The following LPP variants were observed in gnomAD, a reference collection of about 807,000 sequenced individuals.
LPP encodes the protein lipoma-preferred partner.
Under a neutral mutation model 60.4 loss-of-function variants are expected in LPP, and 38 were observed. The observed-to-expected ratio is 0.63, with a 90% CI of 0.49 to 0.83. The LOEUF (loss-of-function observed/expected upper bound fraction) is 0.83, where lower values mean the gene tolerates loss of function less well. LPP is among the 40% of genes least tolerant of loss of function. The pLI is 0.00. For synonymous variants in LPP, 328 were observed against 290.8 expected, an observed-to-expected ratio of 1.13 and a Z score of -1.30; for missense variants, 902 against 783.6, an observed-to-expected ratio of 1.15 and a Z score of -1.80.
chr3:188,575,363 C>T (rs769693638), intron 6 of LPP, among the ~76,000 whole-genome samples: 1 of 152,042 alleles, frequency 6.6e-6, no homozygotes, highest in South Asian at 2.1e-4. Flanking sequence ...ATTTATTTTA[C>T]GTTTAGTCTG....
intron 9 of LPP, among the ~76,000 whole-genome samples, chr3:188,829,223 C>G (rs561448159): frequency 2.0e-5 from 3 of 152,312 alleles, no homozygotes; most frequent in African/African-American, 7.2e-5. Flanking sequence ...ATTCCCTCCA[C>G]CGCCTCTCCT....
chr3:188,792,990 G>A (rs553018162), intron 9 of LPP, among the ~76,000 whole-genome samples: 5 of 152,202 alleles, frequency 3.3e-5, no homozygotes, highest in South Asian at 2.1e-4. Context: ...AGACAGGGCC[G>A]TGCACTGCGA....
In LPP at chr3:188,666,838, T is replaced by A. The variant is rs537611326; in HGVS notation, c.1114-41429T>A. Among the ~76,000 whole-genome samples, 6 of 152,360 alleles carry A rather than the reference T, an allele frequency of 3.9e-5. No individual in the cohort carries two copies. In the East Asian group the frequency reaches 1.2e-3, roughly 29 times the overall value. On this transcript the variant is annotated intron_variant, in intron 7 of 11. Transcript: ENST00000617246. Reference sequence around the variant, plus strand: ...GATTTTCAAAGGTAATAGTACCTAATACCATCTGAAATCCTAAAATTTCTG... The same window carrying A: ...GATTTTCAAAGGTAATAGTACCTAAAACCATCTGAAATCCTAAAATTTCTG...
At chr3:188,800,449 G>A (rs1252882581) in intron 9 of LPP, among the ~76,000 whole-genome samples, 1 of 151,816 alleles carries the variant, frequency 6.6e-6, no homozygotes, top group African/African-American at 2.4e-5. Flanking sequence ...GTTTCATCGT[G>A]TTAGCCAGGA....
chr3:188,582,290 A>G (rs192814644), intron 6 of LPP, among the ~76,000 whole-genome samples: 1 of 150,508 alleles, frequency 6.6e-6, no homozygotes, highest in East Asian at 2.0e-4. Context: ...CCTCCCGAGT[A>G]GCTGTGTCTA....
chr3:188,671,774 T>C (rs542677657), intron 7 of LPP, among the ~76,000 whole-genome samples: 1 of 152,278 alleles, frequency 6.6e-6, no homozygotes, highest in East Asian at 1.9e-4. Flanking sequence ...CAAATTACTA[T>C]ACTAGGCACC....
At position 188,406,245 on chromosome 3, in the gene LPP, C is replaced by A. The variant is rs1376980397; in HGVS notation, c.125C>A (p.Pro42His). ...PSISVSTQQP[P>H]KKFAPVVAPK... Reference sequence around the variant, plus strand: ...ATTTCAGTGTCTACACAACAGCCACCCAAAAAGTTTGCCCCGGTAGTTGCT... The same window carrying A: ...ATTTCAGTGTCTACACAACAGCCACACAAAAAGTTTGCCCCGGTAGTTGCT... Residue 42 changes from proline to histidine, a missense_variant, in exon 4 of 12, where the codon CCC (proline) becomes CAC (histidine). Transcript: ENST00000617246. 1 of 1,613,990 alleles carries A rather than the reference C, an allele frequency of 6.2e-7. No individual in the cohort carries two copies. Among genetic ancestry groups the A allele is most frequent in the Non-Finnish European group, 8.5e-7 (1 of 1,180,016 alleles).
At chr3:188,479,108 A>C (rs1804035760) in intron 4 of LPP, among the ~76,000 whole-genome samples, 1 of 152,174 alleles carries the variant, frequency 6.6e-6, no homozygotes, top group Non-Finnish European at 1.5e-5. Flanking sequence ...ATGCTTTGCT[A>C]ACCATGATTA....
At chr3:188,398,059 A>G (rs867202090) in intron 3 of LPP, among the ~76,000 whole-genome samples, 8 of 152,160 alleles carry the variant, frequency 5.3e-5, no homozygotes, top group Admixed American at 1.3e-4. Context: ...GGAGTGCACC[A>G]TTAGTGTTAA....
At chr3:188,227,647 C>G (rs891712418) in intron 2 of LPP, among the ~76,000 whole-genome samples, 1 of 152,124 alleles carries the variant, frequency 6.6e-6, no homozygotes, top group Admixed American at 6.5e-5. Context: ...GAACAGGACT[C>G]TAGCTCTGTT....
chr3:188,837,282 G>A (rs1325826982), intron 9 of LPP, among the ~76,000 whole-genome samples: 1 of 151,802 alleles, frequency 6.6e-6, no homozygotes, highest in Non-Finnish European at 1.5e-5. Flanking sequence ...GGGAGGCTGA[G>A]GCAGGAGAAT....
rs374563246 is a variant in LPP at position 188,803,045 on chromosome 3, C to CTTTTTTTTTT, written c.1410+42771_1410+42780dup. On this transcript the variant is annotated intron_variant, in intron 9 of 11. Coordinates refer to ENST00000617246, the MANE Select transcript of LPP (RefSeq NM_001375462.1). ...GATTAAAATACTTTTGTTGTATATG[C>CTTTTTTTTTT]TTTTTTTTTTTTTTTTTGAGACAGG... 6.9e-5 allele frequency among the ~76,000 whole-genome samples: 9 copies of CTTTTTTTTTT among 130,476 alleles called. 2 individuals carry two copies. The highest frequency in any genetic ancestry group is 1.1e-4 in the Non-Finnish European group (7 of 62,748). 85.6% of individuals were successfully genotyped at this position (130,476 alleles called of 152,430 possible).
intron 4 of LPP, among the ~76,000 whole-genome samples, chr3:188,439,302 CT>C (rs1156523249): frequency 6.6e-6 from 1 of 152,206 alleles, no homozygotes; most frequent in Non-Finnish European, 1.5e-5. Flanking sequence ...CTTCCTCAAT[CT>C]CACCAACCAG....
intron 9 of LPP, among the ~76,000 whole-genome samples, chr3:188,781,671 C>A (rs1349830376): frequency 6.6e-6 from 1 of 151,360 alleles, no homozygotes; most frequent in African/African-American, 2.4e-5. Context: ...ATCACGAGGT[C>A]AGGAGATCGA....
chr3:188,697,830 A>G (rs1474312127), intron 7 of LPP, among the ~76,000 whole-genome samples: 1 of 150,650 alleles, frequency 6.6e-6, no homozygotes, highest in African/African-American at 2.5e-5. Context: ...GCCCTTTTGC[A>G]TATATATTTT....
chr3:188,417,151 T>G (rs182006645), intron 4 of LPP, among the ~76,000 whole-genome samples: 154 of 152,160 alleles, frequency 1.0e-3, no homozygotes, highest in Middle Eastern at 6.8e-3. Flanking sequence ...AGTTTGCTCT[T>G]CCAGCACTCT....
intron 6 of LPP, among the ~76,000 whole-genome samples, chr3:188,537,511 T>A (rs1823953614): frequency 6.6e-6 from 1 of 152,196 alleles, no homozygotes; most frequent in African/African-American, 2.4e-5. Context: ...CCTTTTTATT[T>A]GTGTTTTTGG....
chr3:188,704,024 G>A (rs567392800), intron 7 of LPP, among the ~76,000 whole-genome samples: 6 of 152,170 alleles, frequency 3.9e-5, no homozygotes, highest in African/African-American at 9.6e-5. Flanking sequence ...TCTAACAGTC[G>A]TTTGGCTTAA....
chr3:188,379,362 G>A (rs752528482), intron 3 of LPP, among the ~76,000 whole-genome samples: 2 of 152,288 alleles, frequency 1.3e-5, no homozygotes, highest in Non-Finnish European at 2.9e-5. Flanking sequence ...GAAGAGACTA[G>A]TTGGATGGGC....
Sources: allele counts gnomAD v4.1 joint callset (sites outside exome capture counted in the v4.1 genomes callset), GRCh38; gene constraint gnomAD v4.1.1; transcripts MANE v1.5; gene names NCBI Gene and HGNC (gene_info 2026-07-23, HGNC 2026-07-21).